LIN28B: variants seen among roughly 807,000 people sequenced by gnomAD.
LIN28B encodes protein lin-28 homolog B.
A neutral mutation model predicts 21.9 loss-of-function variants in LIN28B; 5 were observed. The observed-to-expected ratio is 0.23, with a 90% CI of 0.12 to 0.48. LIN28B has a LOEUF of 0.48. LIN28B is among the 20% of genes least tolerant of loss of function. The probability of loss-of-function intolerance (pLI) is 0.98; values close to 1 mark genes in which losing one functional copy is unlikely to be tolerated. For missense variants in LIN28B, 245 were observed against 310.5 expected, an observed-to-expected ratio of 0.79 and a Z score of 1.58; for synonymous variants, 109 against 111.3, an observed-to-expected ratio of 0.98 and a Z score of 0.13.
At chr6:104,973,897 T>C (rs943015994) in intron 2 of LIN28B, among the ~76,000 whole-genome samples, 3 of 152,204 alleles carry the variant, frequency 2.0e-5, no homozygotes, top group Non-Finnish European at 4.4e-5. Context: ...AAAGAGTTCT[T>C]AACAAGAGCA....
At chr6:105,066,042 A>G (rs1198881542) in intron 3 of LIN28B, among the ~76,000 whole-genome samples, 1 of 152,240 alleles carries the variant, frequency 6.6e-6, no homozygotes, top group African/African-American at 2.4e-5. Context: ...GCATGGCGGC[A>G]CACACCTGTA....
intron 2 of LIN28B, among the ~76,000 whole-genome samples, chr6:105,011,173 C>T (rs1185907889): frequency 2.6e-5 from 4 of 152,098 alleles, no homozygotes; most frequent in Admixed American, 6.6e-5. Context: ...TTCAGTTTCC[C>T]TAACTAACAT....
intron 3 of LIN28B, among the ~76,000 whole-genome samples, chr6:105,071,148 G>C (rs891949137): frequency 6.6e-6 from 1 of 152,092 alleles, no homozygotes; most frequent in African/African-American, 2.4e-5. Flanking sequence ...AAAGTGCTGA[G>C]ATTACAGGCA....
In LIN28B at chr6:104,996,075, G is replaced by A. The variant is rs183396863; in HGVS notation, c.199-30223G>A. On this transcript the variant is annotated intron_variant, in intron 2 of 3. Transcript: ENST00000345080. The stretch of plus-strand genomic sequence containing the variant: ...AGCAGTGTGAGACACGGCACATCAT[G>A]TGGAATCTTGTAGCATCTCAATAAG... Among the ~76,000 whole-genome samples the A allele has an allele frequency of 3.9e-5, 6 of 152,180 alleles. No homozygotes were observed. In the East Asian group the frequency reaches 1.2e-3, roughly 29 times the overall value.
chr6:104,954,265 G>C (rs1461595388), upstream of LIN28B, among the ~76,000 whole-genome samples: 4 of 152,124 alleles, frequency 2.6e-5, no homozygotes, highest in Non-Finnish European at 5.9e-5. Flanking sequence ...GTGACAAATT[G>C]GAAAGCATTC....
At chr6:104,966,914 C>T (rs1267648473) in intron 2 of LIN28B, among the ~76,000 whole-genome samples, 1 of 152,104 alleles carries the variant, frequency 6.6e-6, no homozygotes, top group Non-Finnish European at 1.5e-5. Context: ...AGCCACCGCG[C>T]CCAACCTCTG....
chr6:104,979,364 C>A (rs574250208), intron 2 of LIN28B, among the ~76,000 whole-genome samples: 1 of 151,906 alleles, frequency 6.6e-6, no homozygotes. Flanking sequence ...TGCGCCACCA[C>A]GCCCGGCTAA....
At chr6:104,966,305 A>C (rs1346668122) in intron 2 of LIN28B, among the ~76,000 whole-genome samples, 1 of 152,170 alleles carries the variant, frequency 6.6e-6, no homozygotes, top group Non-Finnish European at 1.5e-5. Context: ...GTGATAAATA[A>C]TATTTTTCAT....
At chr6:105,021,080 C>T (rs568482899) in intron 2 of LIN28B, among the ~76,000 whole-genome samples, 5 of 152,128 alleles carry the variant, frequency 3.3e-5, no homozygotes, top group South Asian at 2.1e-4. Flanking sequence ...TACATCCATG[C>T]GTACAAATTT....
At chr6:105,019,746 AT>A (rs929900274) in intron 2 of LIN28B, among the ~76,000 whole-genome samples, 1 of 152,144 alleles carries the variant, frequency 6.6e-6, no homozygotes, top group African/African-American at 2.4e-5. Flanking sequence ...ACTTCTAGAA[AT>A]TTATTGAATT....
At chr6:104,994,375 A>G (rs1446628653) in intron 2 of LIN28B, among the ~76,000 whole-genome samples, 1 of 152,250 alleles carries the variant, frequency 6.6e-6, no homozygotes, top group East Asian at 1.9e-4. Context: ...TTGTTTTACT[A>G]AGAATTAGCA....
chr6:104,981,745 C>G (rs1460258526), intron 2 of LIN28B, among the ~76,000 whole-genome samples: 6 of 152,132 alleles, frequency 3.9e-5, no homozygotes, highest in African/African-American at 1.2e-4. Flanking sequence ...TAATGTCAAT[C>G]CCAAGATACC....
upstream of LIN28B, among the ~76,000 whole-genome samples, chr6:104,952,781 TTTA>T (rs1248985206): frequency 5.3e-5 from 8 of 152,210 alleles, no homozygotes; most frequent in South Asian, 4.1e-4. Flanking sequence ...ATAATTTTAC[TTTA>T]TTATTCTGGG....
upstream of LIN28B, among the ~76,000 whole-genome samples, chr6:104,956,052 A>G (rs1306199058): frequency 6.6e-6 from 1 of 152,138 alleles, no homozygotes; most frequent in Non-Finnish European, 1.5e-5. Context: ...AGCCATTGGT[A>G]GTGGACTTTT....
At chr6:104,998,315 G>T (rs1770653308) in intron 2 of LIN28B, among the ~76,000 whole-genome samples, 1 of 152,266 alleles carries the variant, frequency 6.6e-6, no homozygotes, top group South Asian at 2.1e-4. Context: ...AAAGAGGGAT[G>T]TAAATCTGTT....
At chr6:104,992,591 A>G (rs980347214) in intron 2 of LIN28B, among the ~76,000 whole-genome samples, 1 of 151,356 alleles carries the variant, frequency 6.6e-6, no homozygotes, top group African/African-American at 2.4e-5. Flanking sequence ...CTTCAGCCTT[A>G]ACTTCCCAGG....
chr6:104,952,883 G>A (rs1295442052), upstream of LIN28B, among the ~76,000 whole-genome samples: 3 of 152,182 alleles, frequency 2.0e-5, no homozygotes, highest in African/African-American at 7.2e-5. Flanking sequence ...TGTGAAGCCA[G>A]AGCATTTTGC....
At chr6:105,011,060 C>T (rs150330662) in intron 2 of LIN28B, among the ~76,000 whole-genome samples, 203 of 152,268 alleles carry the variant, frequency 1.3e-3, no homozygotes, top group Non-Finnish European at 2.0e-3. Context: ...TGAGTGAAGC[C>T]GACTCTCCTT....
intron 2 of LIN28B, among the ~76,000 whole-genome samples, chr6:104,964,497 G>A (rs1159378670): frequency 1.3e-5 from 2 of 152,094 alleles, no homozygotes. Flanking sequence ...TTTATACTTT[G>A]AGCTATTTCC....
Sources: gnomAD v4.1 joint callset for allele counts (sites outside exome capture counted in the v4.1 genomes callset) on GRCh38, gnomAD v4.1.1 for gene constraint, MANE v1.5 for transcripts, NCBI Gene and HGNC (gene_info 2026-07-23, HGNC 2026-07-21) for gene names.